Variants in RFX4 observed in about 807,000 individuals in gnomAD.
The protein encoded by RFX4 is regulatory factor X4.
In RFX4, 10 loss-of-function variants were observed where a neutral mutation model predicts 95.0. That is an observed-to-expected ratio of 0.11 (90% CI 0.06 to 0.18). RFX4 has a LOEUF of 0.18. Among genes scored for constraint, RFX4 ranks in the 10% least tolerant of loss-of-function variants. The pLI is 1.00. For missense variants in RFX4, 640 were observed against 922.0 expected (o/e 0.69, Z 3.96); for synonymous variants, 321 against 340.7 (o/e 0.94, Z 0.64).
Position 106,608,803 on chromosome 12 carries a change from G to A in RFX4, c.50G>A (p.Trp17Ter). The A allele has an allele frequency of 6.3e-7, 1 of 1,590,646 alleles. No homozygotes were observed. Among genetic ancestry groups the A allele is most frequent in the East Asian group, 2.3e-5 (1 of 44,160 alleles). Residue 17 changes from tryptophan to a stop codon, truncating the protein, a stop_gained, in exon 2 of 18, where the codon TGG becomes TAG. Transcript: ENST00000392842. LOFTEE classifies it high-confidence loss of function. ...TTCTTTTTTTTTTTTTTAGAGAGCT[G>A]GATTGAAAGATGTCTCAACGAAAGT... ...EEPDMDSTES[W>*]IERCLNESEN...
At chr12:106,731,845 G>A (rs542554177) in intron 13 of RFX4, among the ~76,000 whole-genome samples, 2 of 152,220 alleles carry the variant, frequency 1.3e-5, no homozygotes, top group East Asian at 1.9e-4. Flanking sequence ...GAGATGGCTC[G>A]GTGGGTGCCA....
intron 2 of RFX4, among the ~76,000 whole-genome samples, chr12:106,620,737 C>T (rs1348027914): frequency 6.6e-6 from 1 of 152,010 alleles, no homozygotes; most frequent in Non-Finnish European, 1.5e-5. Flanking sequence ...TTTTCCCCAC[C>T]CTAGTAAACC....
At chr12:106,728,736 C>T (rs796705887) in intron 13 of RFX4, among the ~76,000 whole-genome samples, 7 of 152,040 alleles carry the variant, frequency 4.6e-5, no homozygotes, top group East Asian at 1.9e-4. Context: ...CTCATCGCTG[C>T]GACACTCTGG....
Position 106,669,840 on chromosome 12 carries a change from GT to G in RFX4, c.316-12152del, listed in dbSNP as rs1339329284. On this transcript the variant is annotated intron_variant, in intron 4 of 17. Transcript: ENST00000392842. ...ATTTCACACCAGGTTTTTTCTAGGG[GT>G]GTGTGTGTGTGTGTGTGTGTGTGTG... 1.2e-3 allele frequency among the ~76,000 whole-genome samples: 59 copies of G among 49,038 alleles called. No individual in the cohort carries two copies. In the East Asian group the frequency reaches 0.014, roughly 12 times the overall value. 32.2% of individuals were successfully genotyped at this position (49,038 alleles called of 152,430 possible).
intron 3 of RFX4, among the ~76,000 whole-genome samples, chr12:106,640,117 G>A (rs2040590264): frequency 1.3e-5 from 2 of 152,124 alleles, no homozygotes; most frequent in Non-Finnish European, 2.9e-5. Flanking sequence ...ACCCCTCCAG[G>A]CTAGGCACTT....
At chr12:106,680,566 A>G (rs2041484990) in intron 4 of RFX4, among the ~76,000 whole-genome samples, 1 of 152,202 alleles carries the variant, frequency 6.6e-6, no homozygotes, top group Admixed American at 6.5e-5. Context: ...ATGAATAGAG[A>G]TTCATCCCCA....
At chr12:106,645,924 C>A (rs1170368529) in intron 3 of RFX4, 1 of 1,289,146 alleles carries the variant, frequency 7.8e-7, no homozygotes, top group South Asian at 1.2e-5. Flanking sequence ...ACCTCAGCTA[C>A]AGATGGAGAA....
intron 2 of RFX4, among the ~76,000 whole-genome samples, chr12:106,618,608 T>A (rs1331411475): frequency 6.6e-6 from 1 of 152,060 alleles, no homozygotes; most frequent in Admixed American, 6.6e-5. Context: ...TATATCTTTT[T>A]CATCTTTTTA....
At chr12:106,671,297 T>C (rs2041275952) in intron 4 of RFX4, among the ~76,000 whole-genome samples, 2 of 152,088 alleles carry the variant, frequency 1.3e-5, no homozygotes, top group African/African-American at 2.4e-5. Flanking sequence ...ATGACTAAGA[T>C]TGGAGATCAA....
At chr12:106,587,968 A>G (rs2039486742) in intron 1 of RFX4, among the ~76,000 whole-genome samples, 1 of 152,154 alleles carries the variant, frequency 6.6e-6, no homozygotes, top group Admixed American at 6.5e-5. Flanking sequence ...CTTTAGGTTA[A>G]TCTTCTAGGC....
chr12:106,612,802 C>A (rs75432274), intron 2 of RFX4, among the ~76,000 whole-genome samples: 12,419 of 151,298 alleles, frequency 0.082, 716 homozygotes, highest in East Asian at 0.34. Flanking sequence ...TGCACCACTG[C>A]ACTCCAGCCT....
intron 4 of RFX4, among the ~76,000 whole-genome samples, chr12:106,667,732 C>T (rs1380982970): frequency 6.6e-6 from 1 of 152,214 alleles, no homozygotes; most frequent in African/African-American, 2.4e-5. Flanking sequence ...GTGTCCTCCC[C>T]TCTCTTAAGA....
At chr12:106,717,000 C>CAAAAA (rs71311249) in intron 11 of RFX4, among the ~76,000 whole-genome samples, 5 of 60,468 alleles carry the variant, frequency 8.3e-5, no homozygotes, top group Admixed American at 2.3e-4. Flanking sequence ...GCACAGGAGA[C>CAAAAA]AAAAAAAAAA....
intron 1 of RFX4, among the ~76,000 whole-genome samples, chr12:106,584,771 G>A (rs566335997): frequency 6.6e-6 from 1 of 152,328 alleles, no homozygotes; most frequent in East Asian, 1.9e-4. Context: ...TGTGTTTTAG[G>A]GTAGTTGTCG....
At chr12:106,687,818 T>C (rs1472343748) in intron 6 of RFX4, among the ~76,000 whole-genome samples, 2 of 152,140 alleles carry the variant, frequency 1.3e-5, no homozygotes. Flanking sequence ...TCTTTCTACC[T>C]ACCTACCTGT....
chr12:106,727,248 T>C (rs1025679128), intron 13 of RFX4, among the ~76,000 whole-genome samples: 1 of 152,170 alleles, frequency 6.6e-6, no homozygotes, highest in Admixed American at 6.5e-5. Context: ...TCATTATAGA[T>C]ACAGAGAAAA....
intron 4 of RFX4, among the ~76,000 whole-genome samples, chr12:106,661,226 C>A (rs1481443360): frequency 6.6e-6 from 1 of 152,216 alleles, no homozygotes; most frequent in Non-Finnish European, 1.5e-5. Context: ...GAGGATCTTA[C>A]CGTATTAGCC....
chr12:106,604,115 C>CTTTTTTTTTTTT (rs1163891542), intron 1 of RFX4, among the ~76,000 whole-genome samples: 1 of 112,810 alleles, frequency 8.9e-6, no homozygotes, highest in Admixed American at 9.6e-5. Flanking sequence ...GCTTCTCTCT[C>CTTTTTTTTTTTT]TTTTTTTTTT....
chr12:106,670,105 A>G (rs2041253605), intron 4 of RFX4, among the ~76,000 whole-genome samples: 1 of 152,142 alleles, frequency 6.6e-6, no homozygotes, highest in Non-Finnish European at 1.5e-5. Context: ...TAAACACTCA[A>G]TGCTTGTTAG....
Sources: gnomAD v4.1 joint callset for allele counts (sites outside exome capture counted in the v4.1 genomes callset) on GRCh38, gnomAD v4.1.1 for gene constraint, MANE v1.5 for transcripts, NCBI Gene and HGNC (gene_info 2026-07-23, HGNC 2026-07-21) for gene names.